The following ZNF652 variants were observed in gnomAD, a reference collection of about 807,000 sequenced individuals.
The protein encoded by ZNF652 is zinc finger protein 652.
In ZNF652, 16 loss-of-function variants were observed where a neutral mutation model predicts 45.2. That is an observed-to-expected ratio of 0.35 (90% CI 0.24 to 0.54). The LOEUF (loss-of-function observed/expected upper bound fraction) is 0.54, where lower values mean the gene tolerates loss of function less well. Ranked by LOEUF, ZNF652 falls within the 20% of genes least tolerant of loss-of-function variation. ZNF652 has a pLI of 0.91. For synonymous variants in ZNF652, 250 were observed against 260.6 expected (o/e 0.96, Z 0.39); for missense variants, 614 against 765.6 (o/e 0.80, Z 2.34).
intron 5 of ZNF652, among the ~76,000 whole-genome samples, chr17:49,310,184 A>G (rs1020628529): frequency 6.6e-6 from 1 of 152,076 alleles, no homozygotes; most frequent in African/African-American, 2.4e-5. Flanking sequence ...CGATCTCCTG[A>G]CCTTGTGACC....
chr17:49,319,959 T>C (rs1191230293), intron 1 of ZNF652, among the ~76,000 whole-genome samples: 1 of 152,178 alleles, frequency 6.6e-6, no homozygotes, highest in Admixed American at 6.5e-5. Flanking sequence ...CTCAGTCCCA[T>C]TTCCTGGAGG....
At chr17:49,362,434 T>G (rs994985970), upstream of ZNF652, 1 of 151,306 alleles carries the variant, frequency 6.6e-6, no homozygotes, top group Non-Finnish European at 1.5e-5. Flanking sequence ...CCTGCCACAT[T>G]GTGAGCGCTC....
In ZNF652 at chr17:49,317,576, C is replaced by T. The variant is rs765046111; in HGVS notation, c.150G>A (p.Val50=). The T allele has an allele frequency of 1.9e-6, 3 of 1,614,064 alleles. No homozygotes were observed. Among genetic ancestry groups the T allele is most frequent in the East Asian group, 4.5e-5 (2 of 44,868 alleles). The stretch of plus-strand genomic sequence containing the variant: ...AAGGACTTCCTGATTCCCTTTTGTA[C>T]ACTTTGGTGGACAGGTCAAGTTCTT... ...ANQELDLSTK[V]YKRESGSPYS... The change falls in exon 2 of 6, where the codon GTG becomes GTA. Residue 50 remains valine, a synonymous_variant. Transcript: ENST00000430262.
At chr17:49,323,855 G>A (rs2069925331) in intron 1 of ZNF652, among the ~76,000 whole-genome samples, 1 of 152,190 alleles carries the variant, frequency 6.6e-6, no homozygotes, top group East Asian at 1.9e-4. Flanking sequence ...AAACAGATGT[G>A]CTGTTATTCA....
chr17:49,331,963 C>T (rs1198228211), intron 1 of ZNF652, among the ~76,000 whole-genome samples: 5 of 142,534 alleles, frequency 3.5e-5, no homozygotes, highest in African/African-American at 5.3e-5. Context: ...AGTGAGACTT[C>T]GTCTCAAAAA....
intron 1 of ZNF652, among the ~76,000 whole-genome samples, chr17:49,341,675 A>C (rs1440253600): frequency 6.6e-6 from 1 of 152,080 alleles, no homozygotes; most frequent in Admixed American, 6.6e-5. Flanking sequence ...GAAAAAAAGA[A>C]AAAGGATACC....
At chr17:49,351,012 TATAC>T (rs1210881943) in intron 1 of ZNF652, among the ~76,000 whole-genome samples, 146 of 20,212 alleles carry the variant, frequency 7.2e-3, no homozygotes, top group African/African-American at 0.011. Flanking sequence ...TATATATATA[TATAC>T]ACACACACAC....
intron 1 of ZNF652, among the ~76,000 whole-genome samples, chr17:49,318,342 C>G (rs917851098): frequency 1.3e-5 from 2 of 152,160 alleles, no homozygotes; most frequent in African/African-American, 4.8e-5. Context: ...TCCCAAAGTG[C>G]TGGGATTACA....
chr17:49,297,280 C>A lies in ZNF652; in HGVS notation c.*1133G>T, dbSNP rs535076675. On this transcript the variant is annotated 3_prime_UTR_variant, in exon 6 of 6. Coordinates refer to ENST00000430262, the MANE Select transcript of ZNF652 (RefSeq NM_001145365.3). ...AAAATGAGCGATTTCAATTTGTCATCCCATAAAAGTTAAACATCAACACAA... is the reference window on the plus strand; with the variant it reads ...AAAATGAGCGATTTCAATTTGTCATACCATAAAAGTTAAACATCAACACAA... 1 of 152,608 alleles carries A rather than the reference C, an allele frequency of 6.6e-6. No homozygotes were observed. Among genetic ancestry groups the A allele is most frequent in the Admixed American group, 6.5e-5 (1 of 15,274 alleles). 9.5% of individuals were successfully genotyped at this position (152,608 alleles called of 1,614,324 possible). A position where few individuals can be genotyped will look rare whatever the true frequency, so the allele number is the denominator to read the frequency against.
chr17:49,331,580 T>C (rs537935839), intron 1 of ZNF652, among the ~76,000 whole-genome samples: 23 of 152,304 alleles, frequency 1.5e-4, no homozygotes, highest in African/African-American at 5.5e-4. Flanking sequence ...TGAACCTGAA[T>C]TTAAAACTCA....
At chr17:49,326,411 G>A (rs1439919743) in intron 1 of ZNF652, among the ~76,000 whole-genome samples, 1 of 152,162 alleles carries the variant, frequency 6.6e-6, no homozygotes, top group Non-Finnish European at 1.5e-5. Flanking sequence ...CAAGACCAAA[G>A]TGATCTTTGG....
intron 5 of ZNF652, among the ~76,000 whole-genome samples, chr17:49,302,737 G>A (rs1026374361): frequency 9.3e-5 from 14 of 151,006 alleles, no homozygotes; most frequent in African/African-American, 3.2e-4. Flanking sequence ...TGAGGCACGC[G>A]GATCATTTGA....
chr17:49,345,101 T>C lies in ZNF652; in HGVS notation c.-259+16808A>G, dbSNP rs542178181. On this transcript the variant is annotated intron_variant, in intron 1 of 5. Coordinates refer to ENST00000430262, the MANE Select transcript of ZNF652 (RefSeq NM_001145365.3). ...AGTAAGAATTAGCCAAATTTATAAC[T>C]GCTATGCGCTCTTCTCCCTTAAGAT... 3.3e-5 allele frequency among the ~76,000 whole-genome samples: 5 copies of C among 152,274 alleles called. No homozygotes were observed. In the East Asian group the frequency reaches 9.6e-4, roughly 29 times the overall value.
chr17:49,355,759 A>G (rs1177095701), intron 1 of ZNF652, among the ~76,000 whole-genome samples: 2 of 151,950 alleles, frequency 1.3e-5, no homozygotes, highest in Non-Finnish European at 2.9e-5. Flanking sequence ...TTATCTGGGC[A>G]TGGTGGCGGG....
At chr17:49,302,778 A>G (rs2069572381) in intron 5 of ZNF652, among the ~76,000 whole-genome samples, 1 of 151,826 alleles carries the variant, frequency 6.6e-6, no homozygotes, top group African/African-American at 2.4e-5. Flanking sequence ...CTTGGCCAAC[A>G]TGGTGAAACT....
At position 49,339,310 on chromosome 17, in the gene ZNF652, CTTTTTTT is replaced by C. The variant is rs36110074; in HGVS notation, c.-258-21334_-258-21328del. Among the ~76,000 whole-genome samples the C allele has an allele frequency of 2.7e-3, 300 of 110,956 alleles. 1 individual carries two copies. Among genetic ancestry groups the C allele is most frequent in the African/African-American group, 9.6e-3 (278 of 29,024 alleles). The allele number at this position is 110,956 out of a possible 152,430, so 72.8% of individuals were successfully genotyped here. A position where few individuals can be genotyped will look rare whatever the true frequency, so the allele number is the denominator to read the frequency against. On this transcript the variant is annotated intron_variant, in intron 1 of 5. Coordinates refer to ENST00000430262, the MANE Select transcript of ZNF652 (RefSeq NM_001145365.3). ...CTCTGCCTCCCAGGTTCAAGTGATT[CTTTTTTT>C]TTTTTTTTTTTTTTTAAGTGTATTT... is the stretch of plus-strand genomic sequence containing the variant.
chr17:49,323,055 A>G (rs186087253), intron 1 of ZNF652, among the ~76,000 whole-genome samples: 3 of 152,302 alleles, frequency 2.0e-5, no homozygotes, highest in East Asian at 3.9e-4. Context: ...TAAGACAACA[A>G]TGAAATTTGC....
chr17:49,309,637 C>A (rs578026081), intron 5 of ZNF652, among the ~76,000 whole-genome samples: 83 of 152,224 alleles, frequency 5.5e-4, no homozygotes, highest in African/African-American at 1.9e-3. Flanking sequence ...AAGAGCCTAT[C>A]CAAAAGCCAC....
intron 1 of ZNF652, among the ~76,000 whole-genome samples, chr17:49,325,074 A>C (rs2069942526): frequency 6.6e-6 from 1 of 151,918 alleles, no homozygotes; most frequent in East Asian, 1.9e-4. Context: ...TCCTTCAAAA[A>C]CTTTTCCTTT....
Sources: gnomAD v4.1 joint callset for allele counts (sites outside exome capture counted in the v4.1 genomes callset) on GRCh38, gnomAD v4.1.1 for gene constraint, MANE v1.5 for transcripts, NCBI Gene and HGNC (gene_info 2026-07-23, HGNC 2026-07-21) for gene names.